The following CDH2 variants were observed in gnomAD, a reference collection of about 807,000 sequenced individuals.
CDH2 encodes the protein cadherin 2, also known as cadherin-2.
A neutral mutation model predicts 92.0 loss-of-function variants in CDH2; 17 were observed. The observed-to-expected ratio is 0.18, with a 90% CI of 0.13 to 0.28. The LOEUF is 0.28. Ranked by LOEUF, CDH2 falls within the 10% of genes least tolerant of loss-of-function variation. The pLI is 1.00. For synonymous variants in CDH2, 419 were observed against 415.9 expected (o/e 1.01, Z -0.09); for missense variants, 862 against 1,133.1 (o/e 0.76, Z 3.44).
chr18:28,161,711 C>T (rs1029672640), intron 1 of CDH2, among the ~76,000 whole-genome samples: 10 of 152,074 alleles, frequency 6.6e-5, no homozygotes, highest in African/African-American at 2.4e-4. Flanking sequence ...TAAGCACACA[C>T]TTGATGACTA....
intron 1 of CDH2, among the ~76,000 whole-genome samples, chr18:28,158,645 C>A (rs934911736): frequency 1.3e-5 from 2 of 152,162 alleles, no homozygotes; most frequent in Admixed American, 1.3e-4. Flanking sequence ...CCTAGGAGTT[C>A]CCACGACCCT....
At chr18:28,094,659 T>G (rs2015095580) in intron 2 of CDH2, among the ~76,000 whole-genome samples, 1 of 151,564 alleles carries the variant, frequency 6.6e-6, no homozygotes, top group Non-Finnish European at 1.5e-5. Flanking sequence ...ACAGGTGTGG[T>G]GGCGGGCGCC....
intron 1 of CDH2, among the ~76,000 whole-genome samples, chr18:28,162,541 T>C (rs760176705): frequency 4.5e-4 from 68 of 152,262 alleles, no homozygotes; most frequent in Non-Finnish European, 7.8e-4. Flanking sequence ...CTATCCTGCA[T>C]CTGGCTCAAT....
chr18:27,999,330 T>C (rs1284709308), intron 7 of CDH2, among the ~76,000 whole-genome samples: 2 of 152,084 alleles, frequency 1.3e-5, no homozygotes, highest in Non-Finnish European at 2.9e-5. Flanking sequence ...CTTCATCCTA[T>C]AGGGCATGGA....
chr18:28,146,408 G>A (rs1391083861), intron 2 of CDH2: 4 of 151,954 alleles, frequency 2.6e-5, no homozygotes, highest in Admixed American at 2.0e-4. Flanking sequence ...GTTAAAGAAA[G>A]GCTGTACACG....
chr18:27,989,574 T>C (rs975311187), intron 10 of CDH2, among the ~76,000 whole-genome samples: 1 of 152,212 alleles, frequency 6.6e-6, no homozygotes, highest in Non-Finnish European at 1.5e-5. Flanking sequence ...CTGGCAACCA[T>C]CCACTCCCTC....
At chr18:27,995,553 G>GA (rs1234115031) in intron 7 of CDH2, among the ~76,000 whole-genome samples, 2 of 151,880 alleles carry the variant, frequency 1.3e-5, no homozygotes, top group Non-Finnish European at 2.9e-5. Flanking sequence ...CAAAAAGAGA[G>GA]AAAAAAAGGA....
intron 2 of CDH2, among the ~76,000 whole-genome samples, chr18:28,026,226 C>T (rs17445924): frequency 6.6e-6 from 1 of 152,238 alleles, no homozygotes; most frequent in Non-Finnish European, 1.5e-5. Flanking sequence ...CCCTGGGAGG[C>T]CAGGTGATAA....
At chr18:27,966,688 A>C (rs1197889025) in intron 14 of CDH2, among the ~76,000 whole-genome samples, 1 of 152,244 alleles carries the variant, frequency 6.6e-6, no homozygotes, top group East Asian at 1.9e-4. Flanking sequence ...ATAGCCTCCT[A>C]ACCTGCTTCA....
rs2011492841 is a variant in CDH2, at chr18:27,964,643, T to C, written c.2350-1122A>G. ...CGACAGTTGTTTAACGTTTACCATG[T>C]TTTGGCAATGGTCTAGGTGTCTTAC... On this transcript the variant is annotated intron_variant, in intron 14 of 15. Transcript: ENST00000269141. Among the ~76,000 whole-genome samples the C allele has an allele frequency of 2.0e-5, 3 of 152,248 alleles. No individual in the cohort carries two copies. The South Asian group carries it at 6.2e-4, about 31-fold the overall frequency.
chr18:28,071,257 T>C (rs538089684), intron 2 of CDH2, among the ~76,000 whole-genome samples: 56 of 152,180 alleles, frequency 3.7e-4, no homozygotes, highest in Admixed American at 5.2e-4. Flanking sequence ...TCCCCTTCTT[T>C]TGAGTAAGAG....
At chr18:28,109,642 T>C (rs543421898) in intron 2 of CDH2, among the ~76,000 whole-genome samples, 100 of 152,288 alleles carry the variant, frequency 6.6e-4, no homozygotes, top group African/African-American at 2.3e-3. Flanking sequence ...TTCAGTATCA[T>C]TCAAGACAAA....
Position 27,993,554 on chromosome 18 carries a change from G to A in CDH2, c.1104C>T (p.Ala368=), listed in dbSNP as rs144320505. The stretch of plus-strand genomic sequence containing the variant: ...CATTGACATCTGTCACTGTGATGAC[G>A]GCCGTGGCTGTGTTTGAAAGGCCAT... ...PTYGLSNTAT[A]VITVTDVNDN... The change falls in exon 8 of 16, where the codon GCC becomes GCT. Residue 368 remains alanine, a synonymous_variant. Coordinates refer to ENST00000269141, the MANE Select transcript of CDH2 (RefSeq NM_001792.5). 7.2e-5 allele frequency: 117 copies of A among 1,614,028 alleles called. No individual in the cohort carries two copies. The East Asian group carries it at 1.0e-3, about 14-fold the overall frequency.
chr18:28,143,616 C>A (rs1399982846), intron 2 of CDH2, among the ~76,000 whole-genome samples: 1 of 151,796 alleles, frequency 6.6e-6, no homozygotes, highest in Non-Finnish European at 1.5e-5. Context: ...GGAATAAAGA[C>A]CTGCTCTAAA....
intron 2 of CDH2, among the ~76,000 whole-genome samples, chr18:28,033,018 T>C (rs1180588478): frequency 1.3e-5 from 2 of 152,088 alleles, no homozygotes; most frequent in Non-Finnish European, 2.9e-5. Flanking sequence ...ATAATTACAT[T>C]TCAAGGGAGA....
intron 9 of CDH2, 89 bp downstream of exon 9, chr18:27,992,566 A>G (rs559336397): frequency 9.1e-7 from 1 of 1,103,556 alleles, no homozygotes; most frequent in East Asian, 2.4e-5. Flanking sequence ...AAACGTCCTA[A>G]GTTTCCATTG....
chr18:28,104,269 G>T (rs146970064), intron 2 of CDH2, among the ~76,000 whole-genome samples: 2 of 152,208 alleles, frequency 1.3e-5, no homozygotes, highest in African/African-American at 4.8e-5. Flanking sequence ...GAACCCTAAA[G>T]TCTTTTCTTC....
chr18:28,127,107 T>A (rs889890655), intron 2 of CDH2, among the ~76,000 whole-genome samples: 5 of 152,112 alleles, frequency 3.3e-5, no homozygotes, highest in Non-Finnish European at 7.3e-5. Flanking sequence ...CTGCTGTGTA[T>A]AAAGAAACCA....
chr18:28,116,340 G>A (rs1214102262), intron 2 of CDH2, among the ~76,000 whole-genome samples: 1 of 152,168 alleles, frequency 6.6e-6, no homozygotes, highest in Non-Finnish European at 1.5e-5. Context: ...TGAAGCCCAA[G>A]CATCTGTAAC....
Sources: allele counts gnomAD v4.1 joint callset (sites outside exome capture counted in the v4.1 genomes callset), GRCh38; gene constraint gnomAD v4.1.1; transcripts MANE v1.5; gene names NCBI Gene and HGNC (gene_info 2026-07-23, HGNC 2026-07-21).